WASHC5: variants seen among roughly 807,000 people sequenced by gnomAD.
WASHC5 encodes WASH complex subunit strumpellin.
In WASHC5, 101 loss-of-function variants were observed where a neutral mutation model predicts 150.4. The observed-to-expected ratio is 0.67, with a 90% CI of 0.57 to 0.79. WASHC5 has a LOEUF of 0.79. WASHC5 is among the 30% of genes least tolerant of loss of function. The pLI, the probability that WASHC5 is intolerant of heterozygous loss-of-function variation, is 0.00. For missense variants in WASHC5, 1,195 were observed against 1,396.3 expected (o/e 0.86, Z 2.30); for synonymous variants, 467 against 491.2 (o/e 0.95, Z 0.65).
intron 8 of WASHC5, among the ~76,000 whole-genome samples, chr8:125,074,749 T>C (rs1375753404): frequency 6.6e-6 from 1 of 152,214 alleles, no homozygotes; most frequent in Non-Finnish European, 1.5e-5. Flanking sequence ...TTGGGGCATA[T>C]GCCATGCTTC....
chr8:125,059,591 GGT>G, intron 12 of WASHC5, 49 bp from the exon 13 acceptor site: 2 of 1,411,886 alleles, frequency 1.4e-6, no homozygotes, highest in Middle Eastern at 2.0e-4. Context: ...TGGACTCTAT[GGT>G]GCTCATTTGT....
At chr8:125,089,171 G>C (rs75622557) in intron 1 of WASHC5, among the ~76,000 whole-genome samples, 1 of 152,118 alleles carries the variant, frequency 6.6e-6, no homozygotes, top group Non-Finnish European at 1.5e-5. Flanking sequence ...CATGGATATG[G>C]TCTGGCTTGG....
chr8:125,058,472 C>G (rs1336553581), intron 14 of WASHC5, among the ~76,000 whole-genome samples: 3 of 152,014 alleles, frequency 2.0e-5, no homozygotes, highest in Non-Finnish European at 4.4e-5. Flanking sequence ...GTAGGCTGGG[C>G]GTGGGGGCTC....
At position 125,024,465 on chromosome 8, in the gene WASHC5, GAT is replaced by G; in HGVS notation, c.*150_*151del. ...TCAGTTATATTAACTAATGCCATGA[GAT>G]ATATCTTACTCAGAACGTCTGATGT... On this transcript the variant is annotated 3_prime_UTR_variant, in exon 29 of 29. Coordinates refer to ENST00000318410, the MANE Select transcript of WASHC5 (RefSeq NM_014846.4). 2.9e-6 allele frequency: 2 copies of G among 698,990 alleles called. No homozygotes were observed. The highest frequency in any genetic ancestry group is 5.3e-6 in the Non-Finnish European group (2 of 377,932). 43.3% of individuals were successfully genotyped at this position (698,990 alleles called of 1,614,324 possible). A position where few individuals can be genotyped will look rare whatever the true frequency, so the allele number is the denominator to read the frequency against.
chr8:125,059,351 G>A, intron 13 of WASHC5, 25 bp downstream of exon 13: 6 of 1,613,956 alleles, frequency 3.7e-6, no homozygotes, highest in Non-Finnish European at 5.1e-6. Context: ...TTCATCTACA[G>A]CAAATGTCAG....
At chr8:125,080,716 A>T (rs1265637073) in intron 5 of WASHC5, among the ~76,000 whole-genome samples, 1 of 152,212 alleles carries the variant, frequency 6.6e-6, no homozygotes, top group Non-Finnish European at 1.5e-5. Context: ...TGCGTTAGAC[A>T]CTAAAATTAA....
intron 3 of WASHC5, 81 bp from the exon 4 acceptor site, chr8:125,082,548 A>G (rs1450626032): frequency 1.9e-5 from 16 of 850,332 alleles, no homozygotes; most frequent in Admixed American, 1.7e-4. Flanking sequence ...TTTTTAAAAG[A>G]TAAGGCAGGA....
chr8:125,087,163 T>C (rs1191187171), intron 1 of WASHC5, among the ~76,000 whole-genome samples: 1 of 152,230 alleles, frequency 6.6e-6, no homozygotes. Flanking sequence ...TTAAACAGCA[T>C]GCTGATGCTG....
chr8:125,090,103 T>C (rs992031364), intron 1 of WASHC5, among the ~76,000 whole-genome samples: 1 of 152,220 alleles, frequency 6.6e-6, no homozygotes, highest in Non-Finnish European at 1.5e-5. Context: ...TAAAACAAGA[T>C]TAGCTGAAAG....
intron 9 of WASHC5, among the ~76,000 whole-genome samples, chr8:125,070,837 A>T (rs1391282831): frequency 1.3e-5 from 2 of 152,240 alleles, no homozygotes; most frequent in East Asian, 3.8e-4. Flanking sequence ...AAGAAGCTGG[A>T]GAGAAGGCTG....
chr8:125,085,496 G>A (rs1011615999), intron 1 of WASHC5, among the ~76,000 whole-genome samples: 4 of 152,126 alleles, frequency 2.6e-5, no homozygotes, highest in African/African-American at 7.2e-5. Context: ...AGAGAGAAGC[G>A]GAGGCAGAAG....
In WASHC5 at chr8:125,083,133, T is replaced by C; in HGVS notation, c.312A>G (p.Lys104=). ...AATACCTGTTTAAGTCTACAATATA[T>C]TTATGTACACTTTGAAATGCTAAAT... ...RFYLAFQSVH[K]YIVDLNRYLD... is the part of the protein sequence containing the mutation. The change falls in exon 3 of 29, where the codon AAA becomes AAG. Residue 104 remains lysine (K), a synonymous_variant. Coordinates refer to ENST00000318410, the MANE Select transcript of WASHC5 (RefSeq NM_014846.4). The C allele has an allele frequency of 6.5e-7, 1 of 1,547,482 alleles. No homozygotes were observed. Among genetic ancestry groups the C allele is most frequent in the Non-Finnish European group, 8.9e-7 (1 of 1,120,260 alleles).
chr8:125,042,092 T>C lies in WASHC5; in HGVS notation c.2850+1733A>G, dbSNP rs1210036327. On this transcript the variant is annotated intron_variant, in intron 23 of 28. Transcript: ENST00000318410. ...ATGAATCTTTGTTAGTGACATTTTC[T>C]ATTTTTGGTACTCACGCACTTCAAG... 2.0e-5 allele frequency among the ~76,000 whole-genome samples: 3 copies of C among 152,204 alleles called. No homozygotes were observed. In the East Asian group the frequency reaches 5.8e-4, roughly 29 times the overall value.
At chr8:125,046,674 T>C (rs552179650) in intron 20 of WASHC5, among the ~76,000 whole-genome samples, 1 of 152,328 alleles carries the variant, frequency 6.6e-6, no homozygotes, top group South Asian at 2.1e-4. Context: ...GGTTAATGAC[T>C]GGATGTGTAT....
chr8:125,050,103 C>G (rs1388339897), intron 18 of WASHC5, among the ~76,000 whole-genome samples: 2 of 151,980 alleles, frequency 1.3e-5, no homozygotes, highest in Non-Finnish European at 2.9e-5. Flanking sequence ...ATTGAATTTA[C>G]TATGATAATA....
At chr8:125,052,021 G>A (rs918642352) in intron 17 of WASHC5, among the ~76,000 whole-genome samples, 2 of 152,208 alleles carry the variant, frequency 1.3e-5, no homozygotes, top group Non-Finnish European at 2.9e-5. Flanking sequence ...GGGTGCATGA[G>A]GGGGCTTTCA....
chr8:125,082,852 T>C, intron 3 of WASHC5: 1 of 392,832 alleles, frequency 2.5e-6, no homozygotes, highest in Non-Finnish European at 4.5e-6. Flanking sequence ...CACTAGGATA[T>C]GATAATAAAT....
At chr8:125,050,169 T>A (rs554050384) in intron 18 of WASHC5, among the ~76,000 whole-genome samples, 1 of 152,228 alleles carries the variant, frequency 6.6e-6, no homozygotes, top group Non-Finnish European at 1.5e-5. Context: ...AAAATGACCA[T>A]ATTCCCTAGC....
At position 125,056,847 on chromosome 8, in the gene WASHC5, A is replaced by G. The variant is rs570321404; in HGVS notation, c.1876-30T>C. 2.4e-5 allele frequency: 38 copies of G among 1,614,006 alleles called. No homozygotes were observed. The South Asian group carries it at 4.0e-4, about 17-fold the overall frequency. ...AGTGAAAAGGAAAGCAGGAAACGCA[A>G]TGAACATCTGTTTTACTTTTCTTGG... On this transcript the variant is annotated intron_variant, in intron 15 of 28. Coordinates refer to ENST00000318410, the MANE Select transcript of WASHC5 (RefSeq NM_014846.4).
Sources: allele counts gnomAD v4.1 joint callset (sites outside exome capture counted in the v4.1 genomes callset), GRCh38; gene constraint gnomAD v4.1.1; transcripts MANE v1.5; gene names NCBI Gene and HGNC (gene_info 2026-07-23, HGNC 2026-07-21).